ULBP1: variants seen among roughly 807,000 people sequenced by gnomAD.
ULBP1 encodes UL16 binding protein 1, also known as UL16-binding protein 1.
Under a neutral mutation model 25.3 loss-of-function variants are expected in ULBP1, and 28 were observed. The ratio of observed to expected loss-of-function variants is 1.10; its 90% confidence interval spans 0.82 to 1.51. The LOEUF is 1.51. Ranked by LOEUF, ULBP1 falls within the 40% of genes most tolerant of loss-of-function variation. ULBP1 has a pLI of 0.00. For synonymous variants in ULBP1, 129 were observed against 103.0 expected (o/e 1.25, Z -1.53); for missense variants, 348 against 290.9 (o/e 1.20, Z -1.43).
At position 149,968,800 on chromosome 6, in the gene ULBP1, A is replaced by T. The variant is rs540101633; in HGVS notation, c.279A>T (p.Thr93=). The T allele has an allele frequency of 4.0e-5, 65 of 1,614,234 alleles. No individual in the cohort carries two copies. The highest frequency in any genetic ancestry group is 9.9e-5 in the South Asian group (9 of 91,086). ...AAACCTGGGAAGAACAAACTGAAACACTAAGAGACGTGGTGGATTTCCTTA... is the reference window on the plus strand; with the variant it reads ...AAACCTGGGAAGAACAAACTGAAACTCTAAGAGACGTGGTGGATTTCCTTA... ...VTKTWEEQTE[T]LRDVVDFLKG... Residue 93 remains threonine (T), a synonymous_variant, in exon 2 of 5, where the codon ACA becomes ACT. Coordinates refer to ENST00000229708, the MANE Select transcript of ULBP1 (RefSeq NM_025218.4).
rs145781168 is a variant in ULBP1 at position 149,968,614 on chromosome 6, C to T, written c.93C>T (p.His31=). 3 of 1,604,790 alleles carry T rather than the reference C, an allele frequency of 1.9e-6. No homozygotes were observed. The African/African-American group carries it at 4.0e-5, about 21-fold the overall frequency. The part of the protein sequence containing the change: ...GWSRAGWVDT[H]CLCYDFIITP... ...TGTGTTTTTCTTCCACAGACACACA[C>T]TGTCTTTGCTATGACTTCATCATCA... is the stretch of plus-strand genomic sequence containing the variant. The change falls in exon 2 of 5, where the codon CAC becomes CAT. Residue 31 remains histidine, a synonymous_variant. Transcript: ENST00000229708.
chr6:149,972,303 T>C lies in ULBP1; in HGVS notation c.*957T>C, dbSNP rs1779332143. 1 of 152,148 alleles carries C rather than the reference T, an allele frequency of 6.6e-6. No homozygotes were observed. The highest frequency in any genetic ancestry group is 2.4e-5 in the African/African-American group (1 of 41,422). 9.4% of individuals were successfully genotyped at this position (152,148 alleles called of 1,614,324 possible). A position where few individuals can be genotyped will look rare whatever the true frequency, so the allele number is the denominator to read the frequency against. On this transcript the variant is annotated 3_prime_UTR_variant, in exon 5 of 5. Transcript: ENST00000229708. ...TAGTGCTGGAATATCTGGCCAACCA[T>C]ATGCAGAAGAATGAAACTGAACCCC...
In ULBP1 at chr6:149,968,961, A is replaced by C. The variant is rs973460510; in HGVS notation, c.349+91A>C. On this transcript the variant is annotated intron_variant, in intron 2 of 4. Transcript: ENST00000229708. ...GAAAAATAAATCAGAAGTTTGTGTC[A>C]CCCAAGAGGTTGAGGAGCATGGGCC... 2.6e-6 allele frequency: 4 copies of C among 1,554,036 alleles called. No individual in the cohort carries two copies. In the Admixed American group the frequency reaches 5.8e-5, roughly 23 times the overall value.
rs528053070 is a variant in ULBP1 at position 149,967,702 on chromosome 6, C to A, written c.86-905C>A. ...TTGTGACTTCTTTAATTATTTACAT[C>A]ATTGCACCCTCCTTCCTGCTGACAG... is the stretch of plus-strand genomic sequence containing the variant. On this transcript the variant is annotated intron_variant, in intron 1 of 4. Transcript: ENST00000229708. 3.3e-4 allele frequency among the ~76,000 whole-genome samples: 50 copies of A among 152,232 alleles called. 1 individual carries two copies. The South Asian group carries it at 0.01, about 32-fold the overall frequency.
intron 1 of ULBP1, among the ~76,000 whole-genome samples, chr6:149,965,969 CA>C (rs1040202673): frequency 4.6e-5 from 7 of 151,694 alleles, no homozygotes; most frequent in African/African-American, 1.7e-4. Context: ...AAACTTAATG[CA>C]GGGGGGACGG....
rs919531212 is a variant in ULBP1 at position 149,968,623 on chromosome 6, C to T, written c.102C>T (p.Cys34=). The part of the protein sequence containing the change: ...RAGWVDTHCL[C]YDFIITPKSR... ...CTTCCACAGACACACACTGTCTTTG[C>T]TATGACTTCATCATCACTCCTAAGT... is the stretch of plus-strand genomic sequence containing the variant. The change falls in exon 2 of 5, where the codon TGC becomes TGT. Residue 34 remains cysteine, a synonymous_variant. Coordinates refer to ENST00000229708, the MANE Select transcript of ULBP1 (RefSeq NM_025218.4). 3 of 1,609,106 alleles carry T rather than the reference C, an allele frequency of 1.9e-6. No homozygotes were observed. The African/African-American group carries it at 4.0e-5, about 21-fold the overall frequency.
chr6:149,972,277 T>C lies in ULBP1; in HGVS notation c.*931T>C, dbSNP rs12661158. The C allele has an allele frequency of 6.6e-6, 1 of 152,044 alleles. No individual in the cohort carries two copies. Among genetic ancestry groups the C allele is most frequent in the Non-Finnish European group, 1.5e-5 (1 of 68,026 alleles). The allele number at this position is 152,044 out of a possible 1,614,324, so 9.4% of individuals were successfully genotyped here. On this transcript the variant is annotated 3_prime_UTR_variant, in exon 5 of 5. Transcript: ENST00000229708. ...GTGGGAAAGACTCCCTATTCGAAAA[T>C]TAGTGCTGGAATATCTGGCCAACCA...
chr6:149,970,806 C>A (rs1242055647), intron 4 of ULBP1, among the ~76,000 whole-genome samples: 2 of 152,264 alleles, frequency 1.3e-5, no homozygotes, highest in Admixed American at 6.5e-5. Flanking sequence ...ACTCCAGATC[C>A]TGAGCCAGCT....
At position 149,963,947 on chromosome 6, in the gene ULBP1, C is replaced by G. The variant is rs573842020; in HGVS notation, c.-103C>G. On this transcript the variant is annotated 5_prime_UTR_variant, in exon 1 of 5. The change creates a new upstream start codon in the 5' untranslated region. Transcript: ENST00000229708. ...ATGCCTAGGATCCCGCCCAGTGTAT[C>G]CCTGCGCGCGGCGGGCCGGGCTGGG... The G allele has an allele frequency of 6.9e-6, 8 of 1,163,190 alleles. No individual in the cohort carries two copies. Among genetic ancestry groups the G allele is most frequent in the African/African-American group, 1.5e-5 (1 of 64,796 alleles). 72.1% of individuals were successfully genotyped at this position (1,163,190 alleles called of 1,614,324 possible).
chr6:149,970,922 G>A (rs1354371145), intron 4 of ULBP1, among the ~76,000 whole-genome samples: 1 of 152,256 alleles, frequency 6.6e-6, no homozygotes, highest in Admixed American at 6.5e-5. Context: ...GGCAGGGCAA[G>A]GACAGTCCCA....
Position 149,971,782 on chromosome 6 carries a change from G to A in ULBP1, c.*436G>A, listed in dbSNP as rs1414739664. The A allele has an allele frequency of 1.3e-5, 2 of 152,108 alleles. No individual in the cohort carries two copies. Among genetic ancestry groups the A allele is most frequent in the Non-Finnish European group, 2.9e-5 (2 of 68,038 alleles). The allele number at this position is 152,108 out of a possible 1,614,324, so 9.4% of individuals were successfully genotyped here. A position where few individuals can be genotyped will look rare whatever the true frequency, so the allele number is the denominator to read the frequency against. ...AGCATGCTGGACTTCAGACCTCAGG[G>A]ATCCTTTTGATGCACTGACCAGGAA... On this transcript the variant is annotated 3_prime_UTR_variant, in exon 5 of 5. Transcript: ENST00000229708.
Position 149,964,054 on chromosome 6 carries a change from C to A in ULBP1, c.5C>A (p.Ala2Glu). 1 of 1,614,114 alleles carries A rather than the reference C, an allele frequency of 6.2e-7. No individual in the cohort carries two copies. Among genetic ancestry groups the A allele is most frequent in the Non-Finnish European group, 8.5e-7 (1 of 1,180,014 alleles). Residue 2 changes from alanine to glutamate, a missense_variant, in exon 1 of 5, where the codon GCA (alanine) becomes GAA (glutamate). Coordinates refer to ENST00000229708, the MANE Select transcript of ULBP1 (RefSeq NM_025218.4). M[A>E]AAASPAFLLC... ...CCACGGAGCTCCAGGTCTACAATGG[C>A]AGCGGCCGCCAGCCCCGCGTTCCTT...
At chr6:149,967,638 A>AT (rs1779226470) in intron 1 of ULBP1, among the ~76,000 whole-genome samples, 1 of 152,170 alleles carries the variant, frequency 6.6e-6, no homozygotes, top group Non-Finnish European at 1.5e-5. Flanking sequence ...TCTATGAGCC[A>AT]TGGGCATACA....
At chr6:149,968,541 TGGGAGGAG>T in intron 1 of ULBP1, 58 bp from the exon 2 acceptor site, 1 of 1,548,414 alleles carries the variant, frequency 6.5e-7, no homozygotes, top group Non-Finnish European at 8.7e-7. Context: ...TCACCATAAG[TGGGAGGAG>T]GGGATACAGG....
chr6:149,969,992 G>T (rs1779284607), intron 3 of ULBP1, 24 bp from the exon 4 acceptor site: 1 of 1,597,072 alleles, frequency 6.3e-7, no homozygotes, highest in Non-Finnish European at 8.5e-7. Context: ...GACAAGGGTT[G>T]TCACTCCTGT....
Position 149,969,308 on chromosome 6 carries a change from G to C in ULBP1, c.573G>C (p.Lys191Asn), listed in dbSNP as rs747071267. The C allele has an allele frequency of 9.3e-6, 15 of 1,614,204 alleles. No individual in the cohort carries two copies. Among genetic ancestry groups the C allele is most frequent in the Non-Finnish European group, 1.2e-5 (14 of 1,180,010 alleles). The change falls in exon 3 of 5, where the codon AAG becomes AAC. Residue 191 changes from lysine (K) to asparagine (N), a missense_variant. By Grantham distance (94) the Lys-to-Asn change is moderately conservative. Coordinates refer to ENST00000229708, the MANE Select transcript of ULBP1 (RefSeq NM_025218.4). ...FFQKISLGDC[K>N]MWLEEFLMYW... The stretch of plus-strand genomic sequence containing the variant: ...AGAAGATTTCACTGGGGGATTGTAA[G>C]ATGTGGCTTGAAGAATTTTTGATGT...
At chr6:149,970,978 T>C (rs1779305623) in intron 4 of ULBP1, among the ~76,000 whole-genome samples, 1 of 151,876 alleles carries the variant, frequency 6.6e-6, no homozygotes, top group African/African-American at 2.4e-5. Context: ...AGGCTGAGAG[T>C]GAAGGGAAAA....
In ULBP1 at chr6:149,964,017, A is replaced by G. The variant is rs546167039; in HGVS notation, c.-33A>G. On this transcript the variant is annotated 5_prime_UTR_variant, in exon 1 of 5. Transcript: ENST00000229708. ...GGTGTGAGCCTCGAAGGGAACCATCAGCGCCTCCTGTCCACGGAGCTCCAG... is the reference window on the plus strand; with the variant it reads ...GGTGTGAGCCTCGAAGGGAACCATCGGCGCCTCCTGTCCACGGAGCTCCAG... The G allele has an allele frequency of 6.2e-7, 1 of 1,611,326 alleles. No homozygotes were observed. The highest frequency in any genetic ancestry group is 2.2e-5 in the East Asian group (1 of 44,862).
At chr6:149,968,349 T>C (rs573514529) in intron 1 of ULBP1, among the ~76,000 whole-genome samples, 113 of 152,316 alleles carry the variant, frequency 7.4e-4, no homozygotes, top group Admixed American at 1.6e-3. Context: ...TGCTGACTGA[T>C]GTCGGCACAG....
Sources: allele counts gnomAD v4.1 joint callset (sites outside exome capture counted in the v4.1 genomes callset), GRCh38; gene constraint gnomAD v4.1.1; transcripts MANE v1.5; gene names NCBI Gene and HGNC (gene_info 2026-07-23, HGNC 2026-07-21).